NAALADL2: variants seen among roughly 807,000 people sequenced by gnomAD.
The protein encoded by NAALADL2 is inactive N-acetylated-alpha-linked acidic dipeptidase-like protein 2.
A neutral mutation model predicts 87.2 loss-of-function variants in NAALADL2; 76 were observed. The ratio of observed to expected loss-of-function variants is 0.87; its 90% CI spans 0.72 to 1.05. The LOEUF (loss-of-function observed/expected upper bound fraction) is 1.05. NAALADL2 is among the 50% of genes least tolerant of loss of function. The pLI is 0.00. For missense variants in NAALADL2, 1,089 were observed against 945.8 expected (o/e 1.15, Z -1.99); for synonymous variants, 354 against 331.0 (o/e 1.07, Z -0.75).
rs1435505696 is a variant in NAALADL2 at position 174,621,307 on chromosome 3, A to C, written c.-115+70670A>C. Among the ~76,000 whole-genome samples the C allele has an allele frequency of 2.6e-5, 4 of 152,096 alleles. No homozygotes were observed. The East Asian group carries it at 7.7e-4, about 29-fold the overall frequency. On this transcript the variant is annotated intron_variant, in intron 2 of 3. Transcript: ENST00000434257. ...ACAAGAGGAAAATTTTTTATCGCAC[A>C]AGTCTGCTTTCAAGGAAAAAAAACG...
At chr3:175,280,605 T>C (rs1299852843) in intron 4 of NAALADL2, among the ~76,000 whole-genome samples, 3 of 152,104 alleles carry the variant, frequency 2.0e-5, no homozygotes, top group African/African-American at 7.2e-5. Context: ...TGAATAATTA[T>C]GATCACTTGC....
intron 5 of NAALADL2, among the ~76,000 whole-genome samples, chr3:175,384,144 C>T (rs370364554): frequency 2.0e-5 from 3 of 152,062 alleles, no homozygotes; most frequent in Admixed American, 1.3e-4. Context: ...TATTTATCCT[C>T]TCTCTGAGAA....
At chr3:174,540,957 T>G (rs1238704854) in intron 1 of NAALADL2, among the ~76,000 whole-genome samples, 1 of 152,086 alleles carries the variant, frequency 6.6e-6, no homozygotes, top group Non-Finnish European at 1.5e-5. Context: ...CATATGGAGG[T>G]AGAAGGGGAG....
chr3:174,951,564 T>C (rs1424300269), intron 1 of NAALADL2, among the ~76,000 whole-genome samples: 1 of 152,136 alleles, frequency 6.6e-6, no homozygotes, highest in Non-Finnish European at 1.5e-5. Context: ...TGATAGTAGA[T>C]GGTGAGGCAA....
chr3:174,821,066 C>A (rs1579069720), intron 3 of NAALADL2, among the ~76,000 whole-genome samples: 1 of 152,134 alleles, frequency 6.6e-6, no homozygotes, highest in African/African-American at 2.4e-5. Context: ...CCAAATTTAT[C>A]AACCACTGAT....
At position 175,238,388 on chromosome 3, in the gene NAALADL2, G is replaced by A. The variant is rs531687816; in HGVS notation, c.819+4184G>A. Among the ~76,000 whole-genome samples the A allele has an allele frequency of 1.7e-3, 259 of 152,144 alleles. 2 individuals are homozygous for A. Among genetic ancestry groups the A allele is most frequent in the Middle Eastern group, 0.01 (3 of 290 alleles). ...TTTGAAATATTAGGGCTAAACAAAAGGGATTGTTAAAGGAAACAAAATGCA... is the reference window on the plus strand; with the variant it reads ...TTTGAAATATTAGGGCTAAACAAAAAGGATTGTTAAAGGAAACAAAATGCA... On this transcript the variant is annotated intron_variant, in intron 3 of 13. Transcript: ENST00000454872.
At chr3:174,813,209 T>C (rs759841140) in intron 3 of NAALADL2, among the ~76,000 whole-genome samples, 6 of 152,216 alleles carry the variant, frequency 3.9e-5, no homozygotes, top group African/African-American at 9.6e-5. Context: ...CTGGTCCACA[T>C]TGGAAGAAGA....
intron 11 of NAALADL2, among the ~76,000 whole-genome samples, chr3:175,692,219 A>G (rs1457480790): frequency 1.3e-5 from 2 of 151,642 alleles, no homozygotes; most frequent in African/African-American, 2.4e-5. Flanking sequence ...TTTTTTTGCC[A>G]ATTTTCTTAA....
intron 2 of NAALADL2, among the ~76,000 whole-genome samples, chr3:174,602,587 T>C (rs1279789706): frequency 1.3e-5 from 2 of 151,182 alleles, no homozygotes; most frequent in Admixed American, 1.3e-4. Flanking sequence ...TGACTGATTT[T>C]GTTTTCCAAT....
chr3:174,668,225 G>C (rs1480928030), intron 2 of NAALADL2, among the ~76,000 whole-genome samples: 2 of 152,014 alleles, frequency 1.3e-5, no homozygotes, highest in Admixed American at 1.3e-4. Flanking sequence ...TAGTTGTTGA[G>C]TTATGGGAGT....
intron 3 of NAALADL2, among the ~76,000 whole-genome samples, chr3:174,749,809 C>T (rs1022526744): frequency 2.6e-5 from 4 of 152,030 alleles, no homozygotes; most frequent in Admixed American, 6.6e-5. Flanking sequence ...TTTTCTTTCC[C>T]GTATCTCTGC....
chr3:175,648,715 T>C (rs1730356110), intron 11 of NAALADL2, among the ~76,000 whole-genome samples: 1 of 152,198 alleles, frequency 6.6e-6, no homozygotes, highest in African/African-American at 2.4e-5. Flanking sequence ...TCAGAGATGT[T>C]CTATTTTTAA....
At chr3:174,566,175 A>G (rs1714235688) in intron 2 of NAALADL2, among the ~76,000 whole-genome samples, 1 of 151,964 alleles carries the variant, frequency 6.6e-6, no homozygotes, top group South Asian at 2.1e-4. Context: ...CTTGGATCTT[A>G]TCACTCTTGT....
intron 2 of NAALADL2, among the ~76,000 whole-genome samples, chr3:175,167,693 G>T (rs7635527): frequency 6.6e-6 from 1 of 151,894 alleles, no homozygotes; most frequent in African/African-American, 2.4e-5. Context: ...TTGAATATAC[G>T]TTCTTAAACC....
chr3:174,481,327 C>T (rs1428081079), intron 1 of NAALADL2, among the ~76,000 whole-genome samples: 1 of 151,982 alleles, frequency 6.6e-6, no homozygotes, highest in Admixed American at 6.6e-5. Flanking sequence ...ACATGAGGGG[C>T]ATTCATAAAG....
chr3:175,650,538 A>G (rs1253291228), intron 11 of NAALADL2, among the ~76,000 whole-genome samples: 1 of 152,196 alleles, frequency 6.6e-6, no homozygotes, highest in Non-Finnish European at 1.5e-5. Flanking sequence ...ACTCACTCCT[A>G]TAAAATATGT....
chr3:174,908,340 A>G (rs1560350185), intron 1 of NAALADL2, among the ~76,000 whole-genome samples: 1 of 152,076 alleles, frequency 6.6e-6, no homozygotes, highest in Non-Finnish European at 1.5e-5. Flanking sequence ...ATAAGTCACT[A>G]TGGGAAAGTG....
chr3:175,590,199 G>A (rs1488143246), intron 10 of NAALADL2, among the ~76,000 whole-genome samples: 2 of 71,670 alleles, frequency 2.8e-5, no homozygotes, highest in African/African-American at 1.0e-4. Flanking sequence ...GCGACAGAGC[G>A]AGACTCCGTC....
chr3:174,674,397 A>G (rs1238077780), intron 2 of NAALADL2, among the ~76,000 whole-genome samples: 2 of 152,058 alleles, frequency 1.3e-5, no homozygotes, highest in African/African-American at 4.8e-5. Context: ...GGAGACAGCC[A>G]TTCCAAGCCA....
Sources: gnomAD v4.1 joint callset for allele counts (sites outside exome capture counted in the v4.1 genomes callset) on GRCh38, gnomAD v4.1.1 for gene constraint, MANE v1.5 for transcripts, NCBI Gene and HGNC (gene_info 2026-07-23, HGNC 2026-07-21) for gene names.